SGMS1: variants seen among roughly 807,000 people sequenced by gnomAD.
The protein encoded by SGMS1 is phosphatidylcholine:ceramide cholinephosphotransferase 1.
Under a neutral mutation model 46.2 loss-of-function variants are expected in SGMS1, and 13 were observed. The observed-to-expected ratio is 0.28, with a 90% CI of 0.18 to 0.45. The LOEUF (loss-of-function observed/expected upper bound fraction) is 0.45. Ranked by LOEUF, SGMS1 falls within the 20% of genes least tolerant of loss-of-function variation. The pLI is 1.00. For synonymous variants in SGMS1, 203 were observed against 187.8 expected (o/e 1.08, Z -0.66); for missense variants, 324 against 519.9 (o/e 0.62, Z 3.66).
At chr10:50,393,354 A>G (rs3739989) in intron 6 of SGMS1, among the ~76,000 whole-genome samples, 25,108 of 152,186 alleles carry the variant, frequency 0.16, 2,554 homozygotes, top group East Asian at 0.25. Context: ...GAGAAGAGAA[A>G]GGAAAGGCAA....
At chr10:50,591,784 G>C (rs140968314) in intron 1 of SGMS1, among the ~76,000 whole-genome samples, 1 of 152,098 alleles carries the variant, frequency 6.6e-6, no homozygotes, top group Non-Finnish European at 1.5e-5. Flanking sequence ...ACACAGCTCC[G>C]CAAATAAAGA....
At chr10:50,481,038 A>C (rs1234785364) in intron 3 of SGMS1, among the ~76,000 whole-genome samples, 2 of 152,180 alleles carry the variant, frequency 1.3e-5, no homozygotes, top group Admixed American at 6.5e-5. Flanking sequence ...CCCCATGGGG[A>C]GGGGTGGCCA....
rs1847176879 is a variant in SGMS1 at position 50,305,908 on chromosome 10, T to C, written c.*1234A>G. Reference sequence around the variant, plus strand: ...CATTGGCAAGTATAGAATAGAATACTTCCCCAAACATATGTATGTTAGGAG... The same window carrying C: ...CATTGGCAAGTATAGAATAGAATACCTCCCCAAACATATGTATGTTAGGAG... On this transcript the variant is annotated 3_prime_UTR_variant, in exon 11 of 11. Transcript: ENST00000361781. The C allele has an allele frequency of 6.5e-6, 1 of 152,706 alleles. No homozygotes were observed. The highest frequency in any genetic ancestry group is 6.5e-5 in the Admixed American group (1 of 15,288). The allele number at this position is 152,706 out of a possible 1,614,324, so 9.5% of individuals were successfully genotyped here.
chr10:50,506,980 A>T (rs1837712332), intron 3 of SGMS1, among the ~76,000 whole-genome samples: 1 of 152,134 alleles, frequency 6.6e-6, no homozygotes, highest in Non-Finnish European at 1.5e-5. Flanking sequence ...ATTACAACCC[A>T]TTGTTCTAGT....
At chr10:50,405,579 G>A (rs1430958520) in intron 6 of SGMS1, among the ~76,000 whole-genome samples, 3 of 152,090 alleles carry the variant, frequency 2.0e-5, no homozygotes, top group African/African-American at 7.2e-5. Context: ...AAGCTCTTCT[G>A]GAAGAACTAT....
chr10:50,466,505 T>G (rs563684095), intron 4 of SGMS1, among the ~76,000 whole-genome samples: 20 of 152,228 alleles, frequency 1.3e-4, no homozygotes, highest in African/African-American at 4.6e-4. Context: ...GTGCCATACA[T>G]AGACTCCAAA....
chr10:50,442,088 CAT>C (rs1485011632), intron 5 of SGMS1, among the ~76,000 whole-genome samples: 4 of 151,522 alleles, frequency 2.6e-5, no homozygotes, highest in East Asian at 1.9e-4. Flanking sequence ...TTCTGGAACA[CAT>C]GTGCAGAACG....
At chr10:50,469,189 T>C (rs1837357513) in intron 3 of SGMS1, among the ~76,000 whole-genome samples, 1 of 152,240 alleles carries the variant, frequency 6.6e-6, no homozygotes, top group East Asian at 1.9e-4. Context: ...ATGAACATAC[T>C]TGAATTTGTT....
At chr10:50,333,196 TAAG>T (rs1847655486) in intron 7 of SGMS1, among the ~76,000 whole-genome samples, 1 of 152,196 alleles carries the variant, frequency 6.6e-6, no homozygotes, top group Non-Finnish European at 1.5e-5. Flanking sequence ...AAGACGCTCT[TAAG>T]AAGACCTGTG....
At chr10:50,408,635 A>G (rs1012439503) in intron 6 of SGMS1, among the ~76,000 whole-genome samples, 1 of 151,766 alleles carries the variant, frequency 6.6e-6, no homozygotes, top group African/African-American at 2.4e-5. Flanking sequence ...GTGAGCTGAG[A>G]TCACACCACT....
At chr10:50,523,548 C>T (rs1158477978) in intron 2 of SGMS1, among the ~76,000 whole-genome samples, 1 of 152,196 alleles carries the variant, frequency 6.6e-6, no homozygotes, top group Admixed American at 6.5e-5. Context: ...ACTCTTCCTC[C>T]TACTGGCATA....
intron 3 of SGMS1, among the ~76,000 whole-genome samples, chr10:50,478,382 A>G (rs1241510149): frequency 6.6e-6 from 1 of 152,218 alleles, no homozygotes; most frequent in East Asian, 1.9e-4. Context: ...AAAGTAACAC[A>G]TGTATTTGTA....
chr10:50,518,948 G>A (rs1028274605), intron 3 of SGMS1, among the ~76,000 whole-genome samples: 2 of 152,046 alleles, frequency 1.3e-5, no homozygotes, highest in African/African-American at 2.4e-5. Context: ...ACCCACTAGC[G>A]GGGCAACAAA....
chr10:50,345,331 A>C (rs1847899043), intron 6 of SGMS1, among the ~76,000 whole-genome samples: 1 of 152,180 alleles, frequency 6.6e-6, no homozygotes, highest in Non-Finnish European at 1.5e-5. Context: ...CAACTCCTTC[A>C]TTTATAAATG....
intron 6 of SGMS1, among the ~76,000 whole-genome samples, chr10:50,388,841 TTAGA>T (rs1050610560): frequency 1.3e-5 from 2 of 152,194 alleles, no homozygotes; most frequent in African/African-American, 4.8e-5. Flanking sequence ...TGATCAGTTC[TTAGA>T]TAGGAATGAT....
chr10:50,355,696 C>A (rs1315963512), intron 6 of SGMS1, among the ~76,000 whole-genome samples: 1 of 152,244 alleles, frequency 6.6e-6, no homozygotes, highest in African/African-American at 2.4e-5. Flanking sequence ...GGCTGCCACC[C>A]CGTCTAGGAA....
Position 50,611,639 on chromosome 10 carries a change from TG to T in SGMS1, c.-684+12067del, listed in dbSNP as rs1329126504. Among the ~76,000 whole-genome samples the T allele has an allele frequency of 2.8e-4, 43 of 152,336 alleles. No individual in the cohort carries two copies. The East Asian group carries it at 7.5e-3, about 27-fold the overall frequency. ...CTCAGATGACCAGGACAGCCTGACT[TG>T]GGCTGAAGGCCGTGGGTCCTCTATA... is the stretch of plus-strand genomic sequence containing the variant. On this transcript the variant is annotated intron_variant, in intron 1 of 10. Coordinates refer to ENST00000361781, the MANE Select transcript of SGMS1 (RefSeq NM_147156.4).
At chr10:50,326,726 A>G (rs1490960164) in intron 8 of SGMS1, among the ~76,000 whole-genome samples, 1 of 152,172 alleles carries the variant, frequency 6.6e-6, no homozygotes, top group African/African-American at 2.4e-5. Context: ...TACTAGAGAA[A>G]ATCAATAAGG....
chr10:50,593,228 A>G (rs912152086), intron 1 of SGMS1, among the ~76,000 whole-genome samples: 31 of 152,220 alleles, frequency 2.0e-4, no homozygotes, highest in African/African-American at 6.8e-4. Flanking sequence ...CAGATCCTTC[A>G]GCCTCAGTCA....
Sources: allele counts gnomAD v4.1 joint callset (sites outside exome capture counted in the v4.1 genomes callset), GRCh38; gene constraint gnomAD v4.1.1; transcripts MANE v1.5; gene names NCBI Gene and HGNC (gene_info 2026-07-23, HGNC 2026-07-21).